CYP19A1: variants seen among roughly 807,000 people sequenced by gnomAD.
The protein encoded by CYP19A1 is cytochrome P450 family 19 subfamily A member 1.
CYP19A1 carries 32 observed loss-of-function variants against 44.4 expected under a neutral mutation model. That is an observed-to-expected ratio of 0.72 (90% CI 0.54 to 0.97). The LOEUF (loss-of-function observed/expected upper bound fraction) is 0.97, where lower values mean the gene tolerates loss of function less well. CYP19A1 is among the 50% of genes least tolerant of loss of function. The pLI is 0.00. For missense variants in CYP19A1, 598 were observed against 637.8 expected (o/e 0.94, Z 0.67); for synonymous variants, 212 against 215.6 (o/e 0.98, Z 0.14).
intron 1 of CYP19A1, chr15:51,338,010 C>T (rs1322589038): frequency 6.6e-6 from 1 of 152,214 alleles, no homozygotes; most frequent in Admixed American, 6.5e-5. Context: ...ACGGGGTGGC[C>T]ATGCTACAAG....
intron 1 of CYP19A1, among the ~76,000 whole-genome samples, chr15:51,323,220 C>T (rs892641831): frequency 3.3e-5 from 5 of 152,196 alleles, no homozygotes; most frequent in African/African-American, 1.2e-4. Flanking sequence ...AATTGCTCAC[C>T]ATGCCTGGCC....
At chr15:51,303,180 G>A (rs1026421939) in intron 1 of CYP19A1, among the ~76,000 whole-genome samples, 1 of 152,110 alleles carries the variant, frequency 6.6e-6, no homozygotes. Flanking sequence ...GAGATGGGGT[G>A]GGCAGATGTG....
intron 5 of CYP19A1, among the ~76,000 whole-genome samples, chr15:51,219,167 G>A (rs1304766686): frequency 6.6e-6 from 1 of 152,124 alleles, no homozygotes; most frequent in Non-Finnish European, 1.5e-5. Flanking sequence ...TGTTCTCATG[G>A]TGCTTTATTC....
intron 4 of CYP19A1, among the ~76,000 whole-genome samples, chr15:51,227,400 C>G (rs1157054381): frequency 6.6e-6 from 1 of 152,224 alleles, no homozygotes; most frequent in East Asian, 1.9e-4. Flanking sequence ...GGAATGATAG[C>G]TCATGCCTGT....
At chr15:51,282,198 A>G (rs979905297) in intron 1 of CYP19A1, among the ~76,000 whole-genome samples, 1 of 152,182 alleles carries the variant, frequency 6.6e-6, no homozygotes, top group African/African-American at 2.4e-5. Flanking sequence ...GTCTTACTTC[A>G]TCCTTGTAGA....
At chr15:51,266,543 T>C (rs568521145) in intron 1 of CYP19A1, among the ~76,000 whole-genome samples, 2 of 152,374 alleles carry the variant, frequency 1.3e-5, no homozygotes, top group South Asian at 2.1e-4. Context: ...CGAGGATTCC[T>C]GCACAATTTC....
Position 51,209,700 on chromosome 15 carries a change from T to C in CYP19A1, c.*1108A>G, listed in dbSNP as rs2030742269. On this transcript the variant is annotated 3_prime_UTR_variant, in exon 10 of 10. Coordinates refer to ENST00000396402, the MANE Select transcript of CYP19A1 (RefSeq NM_000103.4). Reference sequence around the variant, plus strand: ...CTCAGGTAACTGTTAAATTTTGAGGTAGGATTAAAAAATACTTCAGGGGTT... The same window carrying C: ...CTCAGGTAACTGTTAAATTTTGAGGCAGGATTAAAAAATACTTCAGGGGTT... 6.6e-6 allele frequency: 1 copy of C among 152,538 alleles called. No homozygotes were observed. Among genetic ancestry groups the C allele is most frequent in the African/African-American group, 2.4e-5 (1 of 41,412 alleles). 9.4% of individuals were successfully genotyped at this position (152,538 alleles called of 1,614,324 possible).
At chr15:51,333,052 G>T (rs192748773) in intron 1 of CYP19A1, among the ~76,000 whole-genome samples, 1 of 152,068 alleles carries the variant, frequency 6.6e-6, no homozygotes, top group Non-Finnish European at 1.5e-5. Flanking sequence ...TACTGAATTT[G>T]TCTGCAGATC....
intron 1 of CYP19A1, among the ~76,000 whole-genome samples, chr15:51,261,827 G>T (rs1328543446): frequency 6.6e-6 from 1 of 152,158 alleles, no homozygotes; most frequent in Middle Eastern, 3.2e-3. Context: ...AGGGCCCATT[G>T]GAGAGGCCGA....
intron 1 of CYP19A1, among the ~76,000 whole-genome samples, chr15:51,306,827 T>C (rs2036224742): frequency 6.6e-6 from 1 of 152,204 alleles, no homozygotes. Context: ...GGAAATTATC[T>C]AGAGTCCAGG....
intron 4 of CYP19A1, among the ~76,000 whole-genome samples, chr15:51,225,388 G>A (rs1457721652): frequency 2.0e-5 from 3 of 152,188 alleles, no homozygotes; most frequent in African/African-American, 7.2e-5. Context: ...AAAGTCAAAT[G>A]TACATTTCTA....
At chr15:51,211,148 A>ACTG in intron 9 of CYP19A1, 92 bp from the exon 10 acceptor site, 1 of 868,708 alleles carries the variant, frequency 1.2e-6, no homozygotes. Context: ...GGTCAGTCAG[A>ACTG]ACACTGTTTT....
chr15:51,220,035 G>T (rs968584090), intron 5 of CYP19A1, among the ~76,000 whole-genome samples: 2 of 152,192 alleles, frequency 1.3e-5, no homozygotes, highest in Admixed American at 1.3e-4. Flanking sequence ...AATAGGGAGG[G>T]CTTATAGCTT....
intron 4 of CYP19A1, among the ~76,000 whole-genome samples, chr15:51,226,838 C>T (rs1394303873): frequency 6.6e-6 from 1 of 152,158 alleles, no homozygotes; most frequent in East Asian, 1.9e-4. Flanking sequence ...TCAGCTCATT[C>T]ATTACTCCCT....
At chr15:51,291,523 C>A (rs906271061) in intron 1 of CYP19A1, among the ~76,000 whole-genome samples, 3 of 152,158 alleles carry the variant, frequency 2.0e-5, no homozygotes, top group African/African-American at 7.2e-5. Flanking sequence ...ATTTCAAAGG[C>A]CACACAGAAA....
At chr15:51,254,625 G>A (rs145350104) in intron 1 of CYP19A1, among the ~76,000 whole-genome samples, 7 of 152,012 alleles carry the variant, frequency 4.6e-5, no homozygotes, top group African/African-American at 1.7e-4. Flanking sequence ...GCTACATTCT[G>A]GGATAATTCC....
chr15:51,308,128 G>T (rs1323199657), intron 1 of CYP19A1, among the ~76,000 whole-genome samples: 1 of 152,206 alleles, frequency 6.6e-6, no homozygotes, highest in Non-Finnish European at 1.5e-5. Context: ...GATGCAACAT[G>T]CAGGTTCCCG....
chr15:51,303,076 CCAACTGT>C (rs1286988567), intron 1 of CYP19A1, among the ~76,000 whole-genome samples: 1 of 152,190 alleles, frequency 6.6e-6, no homozygotes, highest in East Asian at 1.9e-4. Context: ...CAGTCTTCAG[CCAACTGT>C]CACTGGGGGA....
chr15:51,286,512 C>T (rs2035703583), intron 1 of CYP19A1, among the ~76,000 whole-genome samples: 1 of 152,204 alleles, frequency 6.6e-6, no homozygotes, highest in African/African-American at 2.4e-5. Flanking sequence ...GTACAAAGTG[C>T]TTATTCCACT....
Sources: allele counts gnomAD v4.1 joint callset (sites outside exome capture counted in the v4.1 genomes callset), GRCh38; gene constraint gnomAD v4.1.1; transcripts MANE v1.5; gene names NCBI Gene and HGNC (gene_info 2026-07-23, HGNC 2026-07-21).